RNF145: variants seen among roughly 807,000 people sequenced by gnomAD.
RNF145 encodes ring finger protein 145.
RNF145 carries 12 observed loss-of-function variants against 57.3 expected under a neutral mutation model. The ratio of observed to expected loss-of-function variants is 0.21; its 90% CI spans 0.13 to 0.34. The LOEUF is 0.34. RNF145 is among the 10% of genes least tolerant of loss of function. RNF145 has a pLI of 1.00. For missense variants in RNF145, 429 were observed against 799.0 expected (o/e 0.54, Z 5.58); for synonymous variants, 262 against 288.3 (o/e 0.91, Z 0.92).
intron 3 of RNF145, among the ~76,000 whole-genome samples, chr5:159,184,978 T>C (rs928884459): frequency 2.6e-5 from 4 of 152,174 alleles, no homozygotes; most frequent in African/African-American, 9.7e-5. Context: ...AGTGGTTTCC[T>C]CCCACTCGCT....
chr5:159,209,488 G>A lies in RNF145; in HGVS notation c.-297C>T, dbSNP rs1466926237. On this transcript the variant is annotated 5_prime_UTR_variant, in exon 1 of 11. Transcript: ENST00000424310. ...AGGCGCTCGCGGGCCGAGCCCCTTAGCAGCCGGCGCCGGCGTCGGCGGCCA... is the reference window on the plus strand; with the variant it reads ...AGGCGCTCGCGGGCCGAGCCCCTTAACAGCCGGCGCCGGCGTCGGCGGCCA... 81 of 956,308 alleles carry A rather than the reference G, an allele frequency of 8.5e-5. No individual in the cohort carries two copies. Among genetic ancestry groups the A allele is most frequent in the Non-Finnish European group, 9.9e-5 (81 of 819,034 alleles). The allele number at this position is 956,308 out of a possible 1,614,324, so 59.2% of individuals were successfully genotyped here.
At chr5:159,159,595 T>C (rs188228398) in intron 10 of RNF145, among the ~76,000 whole-genome samples, 12 of 152,282 alleles carry the variant, frequency 7.9e-5, no homozygotes, top group Admixed American at 6.5e-4. Flanking sequence ...GTTTCTCAAC[T>C]TGCATAAGAA....
chr5:159,176,840 G>A lies in RNF145; in HGVS notation c.413C>T (p.Ser138Phe). The A allele has an allele frequency of 6.2e-7, 1 of 1,611,324 alleles. No homozygotes were observed. The highest frequency in any genetic ancestry group is 8.5e-7 in the Non-Finnish European group (1 of 1,178,206). Residue 138 changes from serine (S) to phenylalanine (F), a missense_variant, in exon 5 of 11, where the codon TCC becomes TTC. Ser to Phe is a radical substitution (Grantham distance 155, BLOSUM62 -2). Transcript: ENST00000424310. The stretch of plus-strand genomic sequence containing the variant: ...AATCTGCTTTGTTTTCATGACACAG[G>A]AGCATAAAGTACACACCACCAACTG... ...IGQLVVCTLC[S>F]CVMKTKQIWL...
chr5:159,178,434 C>T (rs1175694974), intron 4 of RNF145, among the ~76,000 whole-genome samples: 1 of 151,970 alleles, frequency 6.6e-6, no homozygotes, highest in African/African-American at 2.4e-5. Flanking sequence ...TGGTACCACC[C>T]TGCTCCATCA....
chr5:159,191,561 G>A (rs142555555), intron 3 of RNF145, among the ~76,000 whole-genome samples: 2,274 of 152,224 alleles, frequency 0.015, 40 homozygotes, highest in African/African-American at 0.044. Context: ...GGGAGGCCAA[G>A]GTGGGAAGAT....
chr5:159,171,468 G>GA lies in RNF145; in HGVS notation c.798-1650dup, dbSNP rs1013344974. Among the ~76,000 whole-genome samples, 122 of 149,770 alleles carry GA rather than the reference G, an allele frequency of 8.1e-4. 2 individuals are homozygous for GA. Among genetic ancestry groups the GA allele is most frequent in the African/African-American group, 1.7e-3 (68 of 40,850 alleles). ...AGCACTTTCCTTTTCTCTTATTTTA[G>GA]AAAAAAAAATGTGGTGCTATTTTTC... On this transcript the variant is annotated intron_variant, in intron 6 of 10. Coordinates refer to ENST00000424310, the MANE Select transcript of RNF145 (RefSeq NM_001199383.2).
chr5:159,207,888 C>T (rs1198984896), intron 1 of RNF145: 1 of 1,613,644 alleles, frequency 6.2e-7, no homozygotes, highest in South Asian at 1.1e-5. Flanking sequence ...AAACTGCTAC[C>T]TCTGCCATCG....
At chr5:159,167,821 A>G (rs530246342) in intron 8 of RNF145, among the ~76,000 whole-genome samples, 1 of 152,334 alleles carries the variant, frequency 6.6e-6, no homozygotes, top group South Asian at 2.1e-4. Context: ...TGAGAAAATT[A>G]TATAGAATGT....
intron 10 of RNF145, 81 bp from the exon 11 acceptor site, chr5:159,159,116 A>C: frequency 7.6e-7 from 1 of 1,307,928 alleles, no homozygotes; most frequent in Non-Finnish European, 1.1e-6. Context: ...TCTGGTTCTA[A>C]CATCTCTTTC....
At chr5:159,180,047 T>G (rs956539766) in intron 4 of RNF145, among the ~76,000 whole-genome samples, 3 of 152,084 alleles carry the variant, frequency 2.0e-5, no homozygotes, top group African/African-American at 7.2e-5. Flanking sequence ...TTCTCTTTTT[T>G]GACCTAGCAC....
chr5:159,193,018 G>A (rs1296367857), intron 3 of RNF145, among the ~76,000 whole-genome samples: 1 of 152,000 alleles, frequency 6.6e-6, no homozygotes, highest in African/African-American at 2.4e-5. Flanking sequence ...CAGGAACAGA[G>A]GTGTGGGGGC....
chr5:159,174,220 T>C (rs552995631), intron 5 of RNF145, 62 bp from the exon 6 acceptor site: 25 of 1,111,706 alleles, frequency 2.2e-5, no homozygotes, highest in Middle Eastern at 2.1e-4. Flanking sequence ...CTTTAAACAC[T>C]TGAGTCAAAT....
In RNF145 at chr5:159,157,953, T is replaced by C. The variant is rs1784094227; in HGVS notation, c.*717A>G. On this transcript the variant is annotated 3_prime_UTR_variant, in exon 11 of 11. Transcript: ENST00000424310. ...CACAGCCAGCGAAGTATACAACATA[T>C]TTAACAAAAGTTTCATATACATCAA... 2.0e-5 allele frequency: 3 copies of C among 152,808 alleles called. No individual in the cohort carries two copies. The South Asian group carries it at 6.2e-4, about 32-fold the overall frequency. The allele number at this position is 152,808 out of a possible 1,614,324, so 9.5% of individuals were successfully genotyped here.
chr5:159,171,645 C>A (rs1418910720), intron 6 of RNF145, among the ~76,000 whole-genome samples: 2 of 152,126 alleles, frequency 1.3e-5, no homozygotes, highest in African/African-American at 2.4e-5. Flanking sequence ...GCAAAAAAAA[C>A]CTTTTTTTTG....
intron 3 of RNF145, among the ~76,000 whole-genome samples, chr5:159,182,771 T>C (rs1274865461): frequency 6.6e-6 from 1 of 152,162 alleles, no homozygotes; most frequent in Non-Finnish European, 1.5e-5. Flanking sequence ...GAATTTAGTT[T>C]ATTATCAGTA....
At chr5:159,179,691 T>C (rs1562059545) in intron 4 of RNF145, among the ~76,000 whole-genome samples, 1 of 152,086 alleles carries the variant, frequency 6.6e-6, no homozygotes, top group Non-Finnish European at 1.5e-5. Context: ...TTGGCAAATA[T>C]CTTCATTATT....
At chr5:159,177,066 A>G (rs1195962988) in intron 4 of RNF145, among the ~76,000 whole-genome samples, 199 bp from the exon 5 acceptor site, 1 of 152,088 alleles carries the variant, frequency 6.6e-6, no homozygotes, top group Non-Finnish European at 1.5e-5. Flanking sequence ...AATTTTGAAT[A>G]CTAATTCTGT....
intron 4 of RNF145, among the ~76,000 whole-genome samples, chr5:159,181,128 CAA>C (rs76460086): frequency 1.0e-4 from 9 of 89,558 alleles, no homozygotes; most frequent in Admixed American, 1.1e-4. Flanking sequence ...GACTCTGTCT[CAA>C]AAAAAAAAAA....
intron 6 of RNF145, among the ~76,000 whole-genome samples, 170 bp downstream of exon 6, chr5:159,173,813 A>G (rs1415564491): frequency 1.3e-5 from 2 of 152,100 alleles, no homozygotes; most frequent in African/African-American, 4.8e-5. Context: ...TTATGTTAGC[A>G]CCTCCCTGCA....
Sources: allele counts gnomAD v4.1 joint callset (sites outside exome capture counted in the v4.1 genomes callset), GRCh38; gene constraint gnomAD v4.1.1; transcripts MANE v1.5; gene names NCBI Gene and HGNC (gene_info 2026-07-23, HGNC 2026-07-21).